The following KLF12 variants were observed in gnomAD, a reference collection of about 807,000 sequenced individuals.
KLF12 encodes KLF transcription factor 12.
In KLF12, 9 loss-of-function variants were observed where a neutral mutation model predicts 37.8. The observed-to-expected ratio is 0.24, with a 90% confidence interval of 0.14 to 0.42. The LOEUF (loss-of-function observed/expected upper bound fraction) is 0.42, where lower values mean the gene tolerates loss of function less well. KLF12 is among the 10% of genes least tolerant of loss of function. The pLI, the probability that KLF12 is intolerant of heterozygous loss-of-function variation, is 1.00. For synonymous variants in KLF12, 208 were observed against 202.1 expected (o/e 1.03, Z -0.25); for missense variants, 411 against 516.0 (o/e 0.80, Z 1.97).
the KLF12 span, among the ~76,000 whole-genome samples, chr13:74,232,363 G>A: frequency 2.0e-5 from 3 of 152,020 alleles, no homozygotes; most frequent in Admixed American, 1.3e-4. Context: ...GATCCTTTGC[G>A]GCTGACTCTC....
the KLF12 span, among the ~76,000 whole-genome samples, chr13:74,278,872 C>G: frequency 6.6e-6 from 1 of 152,160 alleles, no homozygotes; most frequent in South Asian, 2.1e-4. Flanking sequence ...CTGTTAAGAA[C>G]ACTAATTAAG....
At chr13:73,794,398 T>C (rs1039925857) in intron 5 of KLF12, among the ~76,000 whole-genome samples, 6 of 152,176 alleles carry the variant, frequency 3.9e-5, no homozygotes, top group African/African-American at 1.4e-4. Context: ...GAGGCAGAGG[T>C]TGCAGTGAGC....
chr13:74,305,143 G>A, the KLF12 span, among the ~76,000 whole-genome samples: 1 of 152,002 alleles, frequency 6.6e-6, no homozygotes, highest in African/African-American at 2.4e-5. Flanking sequence ...CTGGATAATT[G>A]TTTTCTGTAC....
upstream of KLF12, among the ~76,000 whole-genome samples, chr13:74,134,818 C>G (rs1878478376): frequency 6.6e-6 from 1 of 151,698 alleles, no homozygotes; most frequent in African/African-American, 2.4e-5. Flanking sequence ...GCGTGCAGCC[C>G]GCTTGGGCCC....
chr13:73,833,742 G>A lies in KLF12; in HGVS notation c.670+12085C>T, dbSNP rs148627153. Among the ~76,000 whole-genome samples, 139 of 152,224 alleles carry A rather than the reference G, an allele frequency of 9.1e-4. No homozygotes were observed. The South Asian group carries it at 0.011, about 12-fold the overall frequency. ...GGTAGAATGTCACCTGAAGGGCCAC[G>A]CAACATGGCTGGGACGTGAGATGTA... On this transcript the variant is annotated intron_variant, in intron 4 of 7. Transcript: ENST00000377669.
chr13:73,707,234 C>T (rs1436514959), intron 7 of KLF12, among the ~76,000 whole-genome samples: 1 of 152,136 alleles, frequency 6.6e-6, no homozygotes, highest in Non-Finnish European at 1.5e-5. Flanking sequence ...CGTGCCCTAA[C>T]CTTGCTCCTT....
chr13:74,204,761 C>T, the KLF12 span, among the ~76,000 whole-genome samples: 2 of 152,146 alleles, frequency 1.3e-5, no homozygotes, highest in African/African-American at 4.8e-5. Context: ...TGCATGGCAT[C>T]TGAAGGGACT....
rs77719021 is a variant in KLF12, at chr13:73,721,005, C to T, written c.870-5480G>A. On this transcript the variant is annotated intron_variant, in intron 6 of 7. Transcript: ENST00000377669. ...GAAGGAGCTTTAGTAAATTCACACA[C>T]GCAATCACAACAGAATTCCAAGGGC... 1.3e-4 allele frequency among the ~76,000 whole-genome samples: 20 copies of T among 152,318 alleles called. No homozygotes were observed. In the East Asian group the frequency reaches 2.9e-3, roughly 22 times the overall value.
chr13:74,257,389 T>C, the KLF12 span: 5 of 152,156 alleles, frequency 3.3e-5, no homozygotes, highest in Non-Finnish European at 5.9e-5. Flanking sequence ...CTCTCCAGCA[T>C]GGCACGAGGA....
intron 1 of KLF12, 78 bp from the exon 2 acceptor site, chr13:73,995,131 A>G (rs1284063733): frequency 2.3e-6 from 2 of 885,616 alleles, no homozygotes; most frequent in East Asian, 2.4e-5. Flanking sequence ...GGAAAAAAAT[A>G]CATCTTAATT....
At chr13:73,922,507 A>G (rs1889164167) in intron 3 of KLF12, among the ~76,000 whole-genome samples, 1 of 152,192 alleles carries the variant, frequency 6.6e-6, no homozygotes, top group Non-Finnish European at 1.5e-5. Context: ...GTAAGATTTT[A>G]TACAATTTGT....
chr13:74,074,679 T>C lies in KLF12; in HGVS notation c.-32+59060A>G, dbSNP rs192431314. ...TGGGGGTACATGTGAAAGTTTGTTA[T>C]ATAGGTAAACTCATGTCATGGGGGT... On this transcript the variant is annotated intron_variant, in intron 1 of 7. Transcript: ENST00000377669. Among the ~76,000 whole-genome samples, 5 of 152,334 alleles carry C rather than the reference T, an allele frequency of 3.3e-5. No individual in the cohort carries two copies. The East Asian group carries it at 7.7e-4, about 24-fold the overall frequency.
chr13:74,109,688 GTTCT>G (rs1876864506), intron 1 of KLF12, among the ~76,000 whole-genome samples: 1 of 152,182 alleles, frequency 6.6e-6, no homozygotes, highest in African/African-American at 2.4e-5. Context: ...TAAAAAGACA[GTTCT>G]TTAACATGAT....
At chr13:73,857,605 AC>A (rs1173029732) in intron 3 of KLF12, among the ~76,000 whole-genome samples, 4 of 152,220 alleles carry the variant, frequency 2.6e-5, no homozygotes, top group African/African-American at 7.2e-5. Context: ...GCAGGGACTT[AC>A]ATTTAGACAC....
chr13:74,150,380 G>A, the KLF12 span, among the ~76,000 whole-genome samples: 4 of 152,140 alleles, frequency 2.6e-5, no homozygotes, highest in Admixed American at 1.3e-4. Context: ...GGACAGTGGC[G>A]AACCTAACTG....
At chr13:73,816,562 GAT>G (rs1249710824) in intron 4 of KLF12, among the ~76,000 whole-genome samples, 1 of 152,158 alleles carries the variant, frequency 6.6e-6, no homozygotes, top group African/African-American at 2.4e-5. Context: ...AAGTTGAACT[GAT>G]ATACTCTGAT....
chr13:74,043,387 TA>T (rs1455889777), intron 1 of KLF12, among the ~76,000 whole-genome samples: 1 of 152,166 alleles, frequency 6.6e-6, no homozygotes, highest in East Asian at 1.9e-4. Flanking sequence ...GTAACGAAAC[TA>T]AGACAAGTAT....
At chr13:74,249,252 C>T in the KLF12 span, among the ~76,000 whole-genome samples, 39 of 151,622 alleles carry the variant, frequency 2.6e-4, no homozygotes, top group Admixed American at 2.6e-3. Flanking sequence ...GAACCTAGCA[C>T]AGTGAATGGC....
intron 3 of KLF12, among the ~76,000 whole-genome samples, chr13:73,939,636 C>A (rs1330157862): frequency 6.6e-6 from 1 of 151,994 alleles, no homozygotes; most frequent in Non-Finnish European, 1.5e-5. Flanking sequence ...GTAATAGGGC[C>A]TTTTTCTCCT....
Sources: allele counts gnomAD v4.1 joint callset (sites outside exome capture counted in the v4.1 genomes callset), GRCh38; gene constraint gnomAD v4.1.1; transcripts MANE v1.5; gene names NCBI Gene and HGNC (gene_info 2026-07-23, HGNC 2026-07-21).